SORCS1: variants seen among roughly 807,000 people sequenced by gnomAD.
SORCS1 encodes sortilin related VPS10 domain containing receptor 1, also known as VPS10 domain-containing receptor SorCS1.
In SORCS1, 60 loss-of-function variants were observed where a neutral mutation model predicts 146.1. That is an observed-to-expected ratio of 0.41 (90% CI 0.33 to 0.51). The LOEUF (loss-of-function observed/expected upper bound fraction) is 0.51, where lower values mean the gene tolerates loss of function less well. SORCS1 is among the 20% of genes least tolerant of loss of function. The pLI is 0.21. For synonymous variants in SORCS1, 637 were observed against 584.0 expected (o/e 1.09, Z -1.31); for missense variants, 1,352 against 1,487.6 (o/e 0.91, Z 1.50).
intron 2 of SORCS1, among the ~76,000 whole-genome samples, chr10:106,868,225 A>C (rs1950289207): frequency 1.3e-5 from 2 of 152,152 alleles, no homozygotes; most frequent in Admixed American, 1.3e-4. Flanking sequence ...TCTACAAAGA[A>C]ACACAGACTC....
intron 3 of SORCS1, among the ~76,000 whole-genome samples, chr10:106,810,585 C>G (rs2136778324): frequency 6.6e-6 from 1 of 152,298 alleles, no homozygotes; most frequent in East Asian, 1.9e-4. Flanking sequence ...CCTCCCTGGG[C>G]TTAACAAATG....
At chr10:106,878,361 A>T (rs1443984889) in intron 2 of SORCS1, among the ~76,000 whole-genome samples, 1 of 151,730 alleles carries the variant, frequency 6.6e-6, no homozygotes, top group Non-Finnish European at 1.5e-5. Context: ...TAAAATTCAT[A>T]TGTTGAAACC....
At chr10:106,595,614 G>A (rs552362370) in intron 24 of SORCS1, among the ~76,000 whole-genome samples, 1 of 152,242 alleles carries the variant, frequency 6.6e-6, no homozygotes, top group East Asian at 1.9e-4. Flanking sequence ...AAAGAAAAAA[G>A]ATAAAATCCA....
intron 3 of SORCS1, among the ~76,000 whole-genome samples, 190 bp from the exon 4 acceptor site, chr10:106,776,882 A>G (rs1157609831): frequency 2.6e-5 from 4 of 152,186 alleles, no homozygotes. Flanking sequence ...ATATTTCTAC[A>G]AAGAAATGAA....
chr10:106,833,384 G>A (rs562176926), intron 2 of SORCS1, among the ~76,000 whole-genome samples: 12 of 152,284 alleles, frequency 7.9e-5, no homozygotes, highest in Admixed American at 7.8e-4. Flanking sequence ...TTGTCCAAGC[G>A]TGTCCCAAAG....
chr10:106,711,094 C>CT (rs373685121), intron 6 of SORCS1, among the ~76,000 whole-genome samples: 1 of 152,130 alleles, frequency 6.6e-6, no homozygotes, highest in Admixed American at 6.5e-5. Flanking sequence ...AGACAAATGC[C>CT]TTTTTTGTTT....
intron 18 of SORCS1, among the ~76,000 whole-genome samples, chr10:106,648,649 G>T (rs1849629873): frequency 6.6e-6 from 1 of 151,990 alleles, no homozygotes; most frequent in African/African-American, 2.4e-5. Context: ...TATAGACATT[G>T]GTTTACATGA....
intron 2 of SORCS1, among the ~76,000 whole-genome samples, chr10:106,927,783 C>T (rs1953142138): frequency 6.6e-6 from 1 of 152,168 alleles, no homozygotes; most frequent in Non-Finnish European, 1.5e-5. Flanking sequence ...CATTCACAAA[C>T]CCTGAGCTAG....
intron 4 of SORCS1, among the ~76,000 whole-genome samples, chr10:106,763,352 G>A (rs10509819): frequency 6.6e-6 from 1 of 152,110 alleles, no homozygotes; most frequent in Non-Finnish European, 1.5e-5. Context: ...TCTGGAGCCT[G>A]TGGACCACTC....
chr10:106,781,910 G>T (rs547581956), intron 3 of SORCS1, among the ~76,000 whole-genome samples: 1 of 152,120 alleles, frequency 6.6e-6, no homozygotes, highest in African/African-American at 2.4e-5. Flanking sequence ...AAAGAAAAAA[G>T]CTCAAATCAA....
the SORCS1 span, among the ~76,000 whole-genome samples, chr10:107,180,938 A>G: frequency 6.6e-6 from 1 of 152,232 alleles, no homozygotes; most frequent in African/African-American, 2.4e-5. Context: ...ACTGTACTGA[A>G]TACTGTAGGC....
intron 24 of SORCS1, among the ~76,000 whole-genome samples, chr10:106,587,227 A>C (rs1845297176): frequency 6.6e-6 from 1 of 152,226 alleles, no homozygotes; most frequent in South Asian, 2.1e-4. Flanking sequence ...TTACTTAAAA[A>C]AGACTTGTAA....
chr10:107,099,995 GCATTTGCA>G (rs892155286), intron 1 of SORCS1, among the ~76,000 whole-genome samples: 1 of 151,982 alleles, frequency 6.6e-6, no homozygotes, highest in Non-Finnish European at 1.5e-5. Flanking sequence ...AAACTCTCTT[GCATTTGCA>G]CATGCAGAAA....
intron 1 of SORCS1, among the ~76,000 whole-genome samples, chr10:107,138,002 A>G (rs1332472635): frequency 1.3e-5 from 2 of 152,220 alleles, no homozygotes; most frequent in Non-Finnish European, 2.9e-5. Flanking sequence ...CTGAAATATA[A>G]TAAGCCTTCT....
At chr10:107,121,720 G>T (rs1009571910) in intron 1 of SORCS1, among the ~76,000 whole-genome samples, 6 of 152,134 alleles carry the variant, frequency 3.9e-5, no homozygotes, top group African/African-American at 9.6e-5. Context: ...TACAGTTGGA[G>T]AATTGTTATG....
intron 16 of SORCS1, 122 bp from the exon 17 acceptor site, chr10:106,667,924 CA>C (rs66783381): frequency 0.76 from 321,612 of 425,600 alleles, 108,978 homozygotes; most frequent in African/African-American, 0.87. Flanking sequence ...AAAATAAAAA[CA>C]AAAAAAAAAA....
the SORCS1 span, among the ~76,000 whole-genome samples, chr10:107,170,652 A>G: frequency 6.6e-6 from 1 of 152,228 alleles, no homozygotes; most frequent in Admixed American, 6.5e-5. Context: ...TATCTTACAG[A>G]AGAAGGAGGA....
intron 3 of SORCS1, among the ~76,000 whole-genome samples, chr10:106,810,133 A>C (rs1459465860): frequency 1.3e-5 from 2 of 152,178 alleles, no homozygotes; most frequent in Non-Finnish European, 2.9e-5. Context: ...AGGCAGGAGA[A>C]TCACTTGAAC....
intron 1 of SORCS1, among the ~76,000 whole-genome samples, chr10:106,981,257 T>C (rs1956236003): frequency 6.6e-6 from 1 of 152,214 alleles, no homozygotes; most frequent in East Asian, 1.9e-4. Context: ...TCAATCTGTT[T>C]GCAAGAATGC....
Sources: gnomAD v4.1 joint callset for allele counts (sites outside exome capture counted in the v4.1 genomes callset) on GRCh38, gnomAD v4.1.1 for gene constraint, MANE v1.5 for transcripts, NCBI Gene and HGNC (gene_info 2026-07-23, HGNC 2026-07-21) for gene names.